The following EXOC3L2 variants were observed in gnomAD, a reference collection of about 807,000 sequenced individuals.
EXOC3L2 encodes the protein exocyst complex component 3 like 2.
A neutral mutation model predicts 44.4 loss-of-function variants in EXOC3L2; 17 were observed. The observed-to-expected ratio is 0.38, with a 90% CI of 0.26 to 0.57. EXOC3L2 has a LOEUF of 0.57. Among genes scored for constraint, EXOC3L2 ranks in the 20% least tolerant of loss-of-function variants. The probability of loss-of-function intolerance (pLI) is 0.65; values close to 1 mark genes in which losing one functional copy is unlikely to be tolerated. For synonymous variants in EXOC3L2, 256 were observed against 253.7 expected (o/e 1.01, Z -0.09); for missense variants, 541 against 588.4 (o/e 0.92, Z 0.83).
Position 45,217,711 on chromosome 19 carries a change from G to A in EXOC3L2, c.1843-28C>T. Reference sequence around the variant, plus strand: ...GGAGGCGGAGGAGGGAAACCCGAGGGGTGTGAGCCATGCCCCACGGACTCC... The same window carrying A: ...GGAGGCGGAGGAGGGAAACCCGAGGAGTGTGAGCCATGCCCCACGGACTCC... On this transcript the variant is annotated intron_variant, in intron 9 of 11. Coordinates refer to ENST00000413988, the MANE Select transcript of EXOC3L2 (RefSeq NM_001382422.1). The A allele has an allele frequency of 4.3e-6, 6 of 1,392,848 alleles. No individual in the cohort carries two copies. In the South Asian group the frequency reaches 9.6e-5, roughly 22 times the overall value. The allele number at this position is 1,392,848 out of a possible 1,614,324, so 86.3% of individuals were successfully genotyped here.
At chr19:45,237,326 C>T (rs1224154915) in intron 2 of EXOC3L2, among the ~76,000 whole-genome samples, 1 of 151,980 alleles carries the variant, frequency 6.6e-6, no homozygotes, top group Non-Finnish European at 1.5e-5. Context: ...ATAGCGAGAC[C>T]CCCATCTCTA....
At chr19:45,245,264 A>G (rs1970160654) in intron 1 of EXOC3L2, 77 bp downstream of exon 1, 1 of 152,042 alleles carries the variant, frequency 6.6e-6, no homozygotes, top group African/African-American at 2.4e-5. Context: ...GCTCTGGTCC[A>G]GTGCAACTAA....
chr19:45,218,093 T>C (rs2122958571), intron 9 of EXOC3L2, 104 bp downstream of exon 9: 1 of 1,401,326 alleles, frequency 7.1e-7, no homozygotes, highest in Middle Eastern at 2.7e-4. Flanking sequence ...AGGAGCGTTC[T>C]TGGCTCTCCC....
At chr19:45,219,485 G>A (rs8109764) in intron 8 of EXOC3L2, among the ~76,000 whole-genome samples, 11,785 of 151,828 alleles carry the variant, frequency 0.078, 689 homozygotes, top group African/African-American at 0.16. Context: ...AGGGAAGGAG[G>A]ACGGATTGCT....
intron 11 of EXOC3L2, among the ~76,000 whole-genome samples, chr19:45,215,261 A>T (rs921217750): frequency 6.6e-6 from 1 of 152,196 alleles, no homozygotes; most frequent in Non-Finnish European, 1.5e-5. Flanking sequence ...ACTTGAGCCC[A>T]GAAGTTCGAG....
intron 3 of EXOC3L2, among the ~76,000 whole-genome samples, chr19:45,232,425 C>A (rs1324356381): frequency 2.0e-5 from 3 of 152,170 alleles, no homozygotes; most frequent in Non-Finnish European, 2.9e-5. Context: ...CTGCCTCCAT[C>A]CCTTATAGAT....
Position 45,216,309 on chromosome 19 carries a change from C to G in EXOC3L2, c.1999-115G>C, listed in dbSNP as rs553504116. 1.2e-5 allele frequency: 17 copies of G among 1,401,840 alleles called. No homozygotes were observed. The African/African-American group carries it at 2.3e-4, about 19-fold the overall frequency. 86.8% of individuals were successfully genotyped at this position (1,401,840 alleles called of 1,614,324 possible). On this transcript the variant is annotated intron_variant, in intron 10 of 11. Coordinates refer to ENST00000413988, the MANE Select transcript of EXOC3L2 (RefSeq NM_001382422.1). ...ATGTAGCAGAAACCAGGGGTGGTGG[C>G]TCAAGCCTGTAATCCCAGCACTTTG... is the stretch of plus-strand genomic sequence containing the variant.
At chr19:45,221,200 GTTTTTT>G (rs1401709933) in intron 8 of EXOC3L2, among the ~76,000 whole-genome samples, 1,495 of 144,284 alleles carry the variant, frequency 0.01, 25 homozygotes, top group African/African-American at 0.034. Flanking sequence ...TTTCTTTTTT[GTTTTTT>G]TGTGGTTTTT....
At chr19:45,225,286 TG>T (rs1568481604) in intron 7 of EXOC3L2, among the ~76,000 whole-genome samples, 40 of 145,992 alleles carry the variant, frequency 2.7e-4, no homozygotes, top group Middle Eastern at 3.5e-3. Context: ...TTTTTTTTTT[TG>T]AGACGGAGTC....
At chr19:45,221,420 T>G (rs1467713668) in intron 8 of EXOC3L2, among the ~76,000 whole-genome samples, 1 of 151,928 alleles carries the variant, frequency 6.6e-6, no homozygotes, top group Non-Finnish European at 1.5e-5. Flanking sequence ...GGCGCGATCT[T>G]GGCTCACTGC....
rs758615837 is a variant in EXOC3L2 at position 45,234,834 on chromosome 19, A to C, written c.524-8T>G. 4 of 392,338 alleles carry C rather than the reference A, an allele frequency of 1.0e-5. No individual in the cohort carries two copies. Among genetic ancestry groups the C allele is most frequent in the Non-Finnish European group, 1.8e-5 (4 of 221,984 alleles). The allele number at this position is 392,338 out of a possible 1,614,324, so 24.3% of individuals were successfully genotyped here. A position where few individuals can be genotyped will look rare whatever the true frequency, so the allele number is the denominator to read the frequency against. ...GGCTCAGGATCTCCAGCACTGCGGG[A>C]GCAAAGCGGGAGGTCAGCAGTGCGC... On this transcript the variant is annotated splice_region_variant and splice_polypyrimidine_tract_variant and intron_variant, in intron 2 of 11. Transcript: ENST00000413988. This position sits in a 1 kb window ranked among gnomAD's most constrained non-coding sequence, Gnocchi z 5.0.
At chr19:45,240,833 G>A (rs1302748850) in intron 1 of EXOC3L2, among the ~76,000 whole-genome samples, 1 of 152,056 alleles carries the variant, frequency 6.6e-6, no homozygotes, top group African/African-American at 2.4e-5. Context: ...GAACCCAGGA[G>A]GCAGAAGTTG....
intron 11 of EXOC3L2, among the ~76,000 whole-genome samples, chr19:45,215,499 A>G (rs1444954366): frequency 6.6e-6 from 1 of 152,104 alleles, no homozygotes; most frequent in Non-Finnish European, 1.5e-5. Flanking sequence ...GTTGGCATGT[A>G]AGATGCTTAT....
chr19:45,213,016 T>G lies in EXOC3L2; in HGVS notation c.*53A>C. On this transcript the variant is annotated 3_prime_UTR_variant, in exon 12 of 12. Coordinates refer to ENST00000413988, the MANE Select transcript of EXOC3L2 (RefSeq NM_001382422.1). ...GTCAGGAGGGGCGCCGTACGGGAGGTTGGCTTGTCAGCAGCATAGATGGGG... is the reference window on the plus strand; with the variant it reads ...GTCAGGAGGGGCGCCGTACGGGAGGGTGGCTTGTCAGCAGCATAGATGGGG... 3 of 1,420,192 alleles carry G rather than the reference T, an allele frequency of 2.1e-6. No homozygotes were observed. The highest frequency in any genetic ancestry group is 2.6e-5 in the East Asian group (1 of 37,798). The allele number at this position is 1,420,192 out of a possible 1,614,324, so 88.0% of individuals were successfully genotyped here.
At position 45,234,329 on chromosome 19, in the gene EXOC3L2, C is replaced by T. The variant is rs1970060429; in HGVS notation, c.1021G>A (p.Gly341Ser). 2.7e-6 allele frequency: 1 copy of T among 374,760 alleles called. No individual in the cohort carries two copies. The highest frequency in any genetic ancestry group is 4.7e-6 in the Non-Finnish European group (1 of 210,686). 23.2% of individuals were successfully genotyped at this position (374,760 alleles called of 1,614,324 possible). A position where few individuals can be genotyped will look rare whatever the true frequency, so the allele number is the denominator to read the frequency against. The change falls in exon 3 of 12, where the codon GGC (glycine) becomes AGC (serine). Residue 341 changes from glycine (G) to serine (S), a missense_variant. Transcript: ENST00000413988. The surrounding 1 kb of genome is among the most constrained non-coding windows in gnomAD (Gnocchi z 5.0). ...AGGTAGACGCCGAAGGCGCCCAGGC[C>T]GGCGGGGTAGGCGGGCGCCAGGCGG... is the stretch of plus-strand genomic sequence containing the variant. ...RGRLAPAYPAGLGAFGVYLRG... is the reference protein window; with the variant it reads ...RGRLAPAYPASLGAFGVYLRG...
intron 11 of EXOC3L2, 29 bp downstream of exon 11, chr19:45,216,040 ACGGC>A: frequency 6.2e-7 from 1 of 1,609,944 alleles, no homozygotes; most frequent in East Asian, 2.2e-5. Context: ...TCGGCCAGGC[ACGGC>A]GAGCCCTGGC....
At chr19:45,217,763 C>T (rs983848421) in intron 9 of EXOC3L2, 80 bp from the exon 10 acceptor site, 9 of 1,365,236 alleles carry the variant, frequency 6.6e-6, no homozygotes, top group South Asian at 1.7e-5. Context: ...AGGCCACCCC[C>T]GCCCCACTCG....
At chr19:45,242,943 TCTC>T (rs1262488221) in intron 1 of EXOC3L2, among the ~76,000 whole-genome samples, 8 of 151,782 alleles carry the variant, frequency 5.3e-5, no homozygotes, top group South Asian at 2.1e-4. Flanking sequence ...GCTCTGGCCT[TCTC>T]CTAAGGAATC....
intron 4 of EXOC3L2, among the ~76,000 whole-genome samples, chr19:45,230,878 A>T (rs950759249): frequency 6.6e-6 from 1 of 151,750 alleles, no homozygotes; most frequent in Admixed American, 6.6e-5. Context: ...TGAGGCCAGG[A>T]TTTTGAGACT....
Sources: allele counts gnomAD v4.1 joint callset (sites outside exome capture counted in the v4.1 genomes callset), GRCh38; gene constraint gnomAD v4.1.1; non-coding constraint Gnocchi (gnomAD v3.1); transcripts MANE v1.5; gene names NCBI Gene and HGNC (gene_info 2026-07-23, HGNC 2026-07-21).